ITFG1: variants seen among roughly 807,000 people sequenced by gnomAD.
ITFG1 encodes the protein integrin alpha FG-GAP repeat containing 1.
Under a neutral mutation model 81.8 loss-of-function variants are expected in ITFG1, and 34 were observed. The ratio of observed to expected loss-of-function variants is 0.42; its 90% CI spans 0.32 to 0.55. ITFG1 has a LOEUF of 0.55. ITFG1 is among the 20% of genes least tolerant of loss of function. The pLI is 0.17. For synonymous variants in ITFG1, 285 were observed against 270.6 expected, an observed-to-expected ratio of 1.05 and a Z score of -0.52; for missense variants, 672 against 755.4, an observed-to-expected ratio of 0.89 and a Z score of 1.29.
Position 47,337,028 on chromosome 16 carries a change from C to T in ITFG1, c.803-23205G>A, listed in dbSNP as rs1361475113. Among the ~76,000 whole-genome samples the T allele has an allele frequency of 2.7e-5, 4 of 150,270 alleles. No homozygotes were observed. In the East Asian group the frequency reaches 7.9e-4, roughly 29 times the overall value. ...CTCATGCCTGTGGGCACATGTAATC[C>T]CAGCTACTTGGGAGGCTGAGGCAGG... On this transcript the variant is annotated intron_variant, in intron 8 of 17. Transcript: ENST00000320640.
intron 6 of ITFG1, among the ~76,000 whole-genome samples, chr16:47,389,500 A>G (rs2151595250): frequency 6.6e-6 from 1 of 152,350 alleles, no homozygotes; most frequent in South Asian, 2.1e-4. Context: ...GAAGAGAACC[A>G]GAAACAGTAA....
intron 8 of ITFG1, among the ~76,000 whole-genome samples, chr16:47,350,441 C>T (rs1425677271): frequency 6.6e-6 from 1 of 152,146 alleles, no homozygotes; most frequent in African/African-American, 2.4e-5. Flanking sequence ...AACACCTCTA[C>T]ACAAATAAAC....
In ITFG1 at chr16:47,242,984, A is replaced by G. The variant is rs539592137; in HGVS notation, c.1331-4976T>C. On this transcript the variant is annotated intron_variant, in intron 12 of 17. Coordinates refer to ENST00000320640, the MANE Select transcript of ITFG1 (RefSeq NM_030790.5). ...GCTGTGCACTTATGTATACTTTTCT[A>G]TATGTTATATTTCAATAAAATGTTT... Among the ~76,000 whole-genome samples, 25 of 152,266 alleles carry G rather than the reference A, an allele frequency of 1.6e-4. No homozygotes were observed. The South Asian group carries it at 4.8e-3, about 29-fold the overall frequency.
intron 11 of ITFG1, among the ~76,000 whole-genome samples, chr16:47,259,723 T>A (rs1966183105): frequency 6.6e-6 from 1 of 152,152 alleles, no homozygotes; most frequent in African/African-American, 2.4e-5. Flanking sequence ...TTTTCAGAAT[T>A]TATTATTTTT....
chr16:47,357,449 C>T (rs1008321711), intron 8 of ITFG1, among the ~76,000 whole-genome samples: 2 of 151,914 alleles, frequency 1.3e-5, no homozygotes, highest in Middle Eastern at 3.4e-3. Flanking sequence ...CCCGTCTCTA[C>T]TAAAAATACA....
intron 10 of ITFG1, among the ~76,000 whole-genome samples, chr16:47,274,145 T>A (rs560128573): frequency 5.3e-5 from 8 of 152,046 alleles, no homozygotes; most frequent in African/African-American, 1.9e-4. Flanking sequence ...TAATCCCAAC[T>A]ACTCGGGAGG....
At chr16:47,161,517 C>A in intron 16 of ITFG1, 4 of 340,312 alleles carry the variant, frequency 1.2e-5, no homozygotes, top group Non-Finnish European at 2.2e-5. Context: ...CATATAAATC[C>A]CTAATTAGTT....
chr16:47,368,794 T>A (rs1968213077), intron 7 of ITFG1, among the ~76,000 whole-genome samples: 1 of 152,178 alleles, frequency 6.6e-6, no homozygotes, highest in African/African-American at 2.4e-5. Flanking sequence ...GATTTATCTC[T>A]ATCAAGAAAT....
At chr16:47,417,484 T>G (rs1173412419) in intron 6 of ITFG1, among the ~76,000 whole-genome samples, 1 of 152,238 alleles carries the variant, frequency 6.6e-6, no homozygotes, top group Non-Finnish European at 1.5e-5. Context: ...TGCTATTGAA[T>G]GTTAGAACTT....
At chr16:47,193,651 A>T (rs1227386649) in intron 14 of ITFG1, among the ~76,000 whole-genome samples, 1 of 152,206 alleles carries the variant, frequency 6.6e-6, no homozygotes, top group East Asian at 1.9e-4. Context: ...TTATAATCAC[A>T]GCACTGCACT....
chr16:47,247,927 C>CG (rs1966021735), intron 12 of ITFG1, among the ~76,000 whole-genome samples: 2 of 152,050 alleles, frequency 1.3e-5, no homozygotes, highest in South Asian at 4.1e-4. Flanking sequence ...GAGGCTGGAT[C>CG]ATGGATGATG....
chr16:47,422,755 C>T (rs1968967318), intron 6 of ITFG1, among the ~76,000 whole-genome samples: 1 of 152,062 alleles, frequency 6.6e-6, no homozygotes, highest in African/African-American at 2.4e-5. Flanking sequence ...TCCACTTTTT[C>T]TAGATTTTCC....
rs756894138 is a variant in ITFG1, at chr16:47,258,751, A to C, written c.1222-11T>G. On this transcript the variant is annotated splice_polypyrimidine_tract_variant and intron_variant, in intron 11 of 17. Coordinates refer to ENST00000320640, the MANE Select transcript of ITFG1 (RefSeq NM_030790.5). ...AATGTCCAAGATTCCCTGGAAAAAA[A>C]CAAACAAAAATGGTAAGAACAAACT... The C allele has an allele frequency of 1.5e-6, 2 of 1,322,036 alleles. No individual in the cohort carries two copies. The highest frequency in any genetic ancestry group is 2.7e-5 in the South Asian group (2 of 73,188). The allele number at this position is 1,322,036 out of a possible 1,614,324, so 81.9% of individuals were successfully genotyped here.
At chr16:47,293,454 A>G (rs1966938551) in intron 10 of ITFG1, among the ~76,000 whole-genome samples, 2 of 152,004 alleles carry the variant, frequency 1.3e-5, no homozygotes, top group African/African-American at 2.4e-5. Context: ...CAGGTGTACT[A>G]ATAAACATTC....
At chr16:47,451,876 T>C (rs1404569187) in intron 4 of ITFG1, among the ~76,000 whole-genome samples, 1 of 152,222 alleles carries the variant, frequency 6.6e-6, no homozygotes, top group African/African-American at 2.4e-5. Context: ...ATCTTTGCAT[T>C]ATCTAGACTA....
intron 12 of ITFG1, 106 bp downstream of exon 12, chr16:47,258,526 G>C: frequency 1.6e-6 from 1 of 633,488 alleles, no homozygotes; most frequent in Non-Finnish European, 2.8e-6. Context: ...TGTACTGGTT[G>C]ATCTGATCTA....
intron 8 of ITFG1, among the ~76,000 whole-genome samples, chr16:47,320,565 A>G (rs1444229564): frequency 6.6e-6 from 1 of 152,230 alleles, no homozygotes; most frequent in Admixed American, 6.5e-5. Context: ...ACTTTTCAGA[A>G]AAGAAACTAA....
At chr16:47,319,296 T>A (rs1307974473) in intron 8 of ITFG1, among the ~76,000 whole-genome samples, 2 of 152,226 alleles carry the variant, frequency 1.3e-5, no homozygotes, top group African/African-American at 4.8e-5. Context: ...AAATTTTTGC[T>A]TGAAAGCTCA....
At chr16:47,222,768 T>G (rs1170992827) in intron 13 of ITFG1, among the ~76,000 whole-genome samples, 2 of 152,192 alleles carry the variant, frequency 1.3e-5, no homozygotes, top group East Asian at 3.8e-4. Context: ...GTCTGAGAGA[T>G]AAGTTTGTTA....
Sources: gnomAD v4.1 joint callset for allele counts (sites outside exome capture counted in the v4.1 genomes callset) on GRCh38, gnomAD v4.1.1 for gene constraint, MANE v1.5 for transcripts, NCBI Gene and HGNC (gene_info 2026-07-23, HGNC 2026-07-21) for gene names.